DLGAP1: variants seen among roughly 807,000 people sequenced by gnomAD.
The protein encoded by DLGAP1 is disks large-associated protein 1.
DLGAP1 carries 11 observed loss-of-function variants against 90.8 expected under a neutral mutation model. The observed-to-expected ratio is 0.12, with a 90% confidence interval of 0.08 to 0.20. DLGAP1 has a LOEUF of 0.20. Ranked by LOEUF, DLGAP1 falls within the 10% of genes least tolerant of loss-of-function variation. DLGAP1 has a pLI of 1.00. For synonymous variants in DLGAP1, 558 were observed against 540.7 expected, an observed-to-expected ratio of 1.03 and a Z score of -0.44; for missense variants, 1,050 against 1,333.8, an observed-to-expected ratio of 0.79 and a Z score of 3.31.
chr18:4,103,374 A>C (rs1337957771), intron 2 of DLGAP1, among the ~76,000 whole-genome samples: 1 of 151,828 alleles, frequency 6.6e-6, no homozygotes, highest in Admixed American at 6.6e-5. Flanking sequence ...TAGGTTTTAT[A>C]TTTTTCTTTG....
chr18:3,841,960 G>A (rs763450454), intron 4 of DLGAP1, among the ~76,000 whole-genome samples: 2 of 152,136 alleles, frequency 1.3e-5, no homozygotes, highest in Non-Finnish European at 2.9e-5. Flanking sequence ...GAAGAAGCAT[G>A]ATAAGGAAAT....
In DLGAP1 at chr18:3,742,325, C is replaced by T. The variant is rs374587159; in HGVS notation, c.1350+10G>A. ...TGGCTCCTGACCACCGCTGCCCTGA[C>T]GGCCCTCACCTGGCTGATGGTGCTC... On this transcript the variant is annotated intron_variant, in intron 6 of 12. Transcript: ENST00000315677. 46 of 1,610,954 alleles carry T rather than the reference C, an allele frequency of 2.9e-5. No individual in the cohort carries two copies. Among genetic ancestry groups the T allele is most frequent in the East Asian group, 1.6e-4 (7 of 44,802 alleles).
intron 3 of DLGAP1, among the ~76,000 whole-genome samples, chr18:3,964,204 A>C (rs183013293): frequency 6.6e-6 from 1 of 152,316 alleles, no homozygotes; most frequent in East Asian, 1.9e-4. Context: ...AAAAAGGGGC[A>C]GTGCAGACAG....
chr18:3,503,913 T>C (rs2050076042), intron 11 of DLGAP1, among the ~76,000 whole-genome samples: 1 of 152,148 alleles, frequency 6.6e-6, no homozygotes, highest in South Asian at 2.1e-4. Flanking sequence ...CTGGCCAACA[T>C]GGCAAAACCC....
chr18:4,099,266 GTCTGTCTATCTA>G (rs1568395804), intron 2 of DLGAP1, among the ~76,000 whole-genome samples: 1 of 146,674 alleles, frequency 6.8e-6, no homozygotes, highest in African/African-American at 2.6e-5. Flanking sequence ...CTGTCTGTCT[GTCTGTCTATCTA>G]TCTATCTATC....
chr18:3,939,948 T>C (rs1307331556), intron 3 of DLGAP1, among the ~76,000 whole-genome samples: 1 of 152,238 alleles, frequency 6.6e-6, no homozygotes, highest in Non-Finnish European at 1.5e-5. Flanking sequence ...CAACAATCAC[T>C]GCCTCCTACT....
At chr18:4,126,511 G>A (rs1243827639) in intron 2 of DLGAP1, among the ~76,000 whole-genome samples, 1 of 152,060 alleles carries the variant, frequency 6.6e-6, no homozygotes, top group African/African-American at 2.4e-5. Flanking sequence ...TGTATAAATG[G>A]AGTATGCATA....
intron 10 of DLGAP1, among the ~76,000 whole-genome samples, chr18:3,518,780 T>C (rs1422885948): frequency 6.6e-6 from 1 of 152,204 alleles, no homozygotes; most frequent in Non-Finnish European, 1.5e-5. Flanking sequence ...GAATTCTAAC[T>C]CCTATAACTG....
chr18:3,570,776 A>G (rs1235079775), intron 8 of DLGAP1, among the ~76,000 whole-genome samples: 1 of 151,552 alleles, frequency 6.6e-6, no homozygotes, highest in Non-Finnish European at 1.5e-5. Context: ...AAAAAATAAG[A>G]AAAAAAATAG....
At chr18:3,536,223 CTT>C (rs71159088) in intron 9 of DLGAP1, among the ~76,000 whole-genome samples, 8 of 137,420 alleles carry the variant, frequency 5.8e-5, no homozygotes, top group Admixed American at 1.5e-4. Flanking sequence ...TACTTTCTTT[CTT>C]TTTTTTTTTT....
At chr18:4,254,801 T>C (rs990684155) in intron 1 of DLGAP1, among the ~76,000 whole-genome samples, 1 of 152,230 alleles carries the variant, frequency 6.6e-6, no homozygotes, top group African/African-American at 2.4e-5. Context: ...TTCCCTTTGA[T>C]TCTTTGACAG....
chr18:4,351,894 T>A (rs1430689303), intron 1 of DLGAP1, among the ~76,000 whole-genome samples: 1 of 152,222 alleles, frequency 6.6e-6, no homozygotes, highest in African/African-American at 2.4e-5. Context: ...CACTCAAATG[T>A]GTTTTTTTCT....
intron 5 of DLGAP1, chr18:3,769,962 T>C (rs1368891201): frequency 6.6e-6 from 1 of 152,054 alleles, no homozygotes. Flanking sequence ...AAATTTTAAT[T>C]AAAAAAATCC....
intron 9 of DLGAP1, among the ~76,000 whole-genome samples, chr18:3,563,772 C>G (rs1221329639): frequency 1.3e-5 from 2 of 152,114 alleles, no homozygotes; most frequent in Admixed American, 6.6e-5. Flanking sequence ...CCCAGCTGAT[C>G]TGGCTTTTTA....
intron 2 of DLGAP1, among the ~76,000 whole-genome samples, chr18:4,045,855 C>T (rs894784995): frequency 4.8e-5 from 7 of 145,206 alleles, no homozygotes; most frequent in South Asian, 4.3e-4. Context: ...GTGGTATGAT[C>T]GTAGCTCACT....
At chr18:4,186,894 C>A (rs1283761016) in intron 1 of DLGAP1, among the ~76,000 whole-genome samples, 1 of 152,112 alleles carries the variant, frequency 6.6e-6, no homozygotes, top group Non-Finnish European at 1.5e-5. Context: ...TTCCTATCCA[C>A]AAGCATGGGA....
intron 1 of DLGAP1, among the ~76,000 whole-genome samples, chr18:4,225,264 G>A (rs150452430): frequency 1.4e-3 from 216 of 152,156 alleles, no homozygotes; most frequent in African/African-American, 5.0e-3. Flanking sequence ...TATGGTTGCA[G>A]TGACCTAAAA....
rs1179310987 is a variant in DLGAP1, at chr18:3,775,285, C to T, written c.1173-32773G>A. 6.6e-6 allele frequency among the ~76,000 whole-genome samples: 1 copy of T among 152,198 alleles called. No individual in the cohort carries two copies. The highest frequency in any genetic ancestry group is 1.5e-5 in the Non-Finnish European group (1 of 68,038). On this transcript the variant is annotated intron_variant, in intron 5 of 12. Coordinates refer to ENST00000315677, the MANE Select transcript of DLGAP1 (RefSeq NM_004746.4). This position sits in a 1 kb window ranked among gnomAD's most constrained non-coding sequence, Gnocchi z 4.9. ...TCGATATGGTTTGGCTTTGTGTCCC[C>T]ACACAAATCTCATGTCAAATTGTCA... is the stretch of plus-strand genomic sequence containing the variant.
rs1425106708 is a variant in DLGAP1 at position 3,502,576 on chromosome 18, T to C, written c.2641A>G (p.Ile881Val). 3 of 1,614,156 alleles carry C rather than the reference T, an allele frequency of 1.9e-6. No individual in the cohort carries two copies. Among genetic ancestry groups the C allele is most frequent in the Non-Finnish European group, 8.5e-7 (1 of 1,180,014 alleles). Residue 881 changes from isoleucine (I) to valine (V), a missense_variant, in exon 12 of 13, where the codon ATA becomes GTA. Around this residue, in one of 2 missense-constraint regions of DLGAP1, gnomAD observed 565 missense variants for 879.7 expected, o/e 0.64. Transcript: ENST00000315677. ...TCAAATTTCATACTAATATTTTCTA[T>C]GGACAACTGCAGCATGTCCCAAAAC... ...AGFWDMLQLS[I>V]ENISMKFDEL...
Sources: allele counts gnomAD v4.1 joint callset (sites outside exome capture counted in the v4.1 genomes callset), GRCh38; gene constraint gnomAD v4.1.1; regional missense constraint gnomAD v4.1.1; non-coding constraint Gnocchi (gnomAD v3.1); transcripts MANE v1.5; gene names NCBI Gene and HGNC (gene_info 2026-07-23, HGNC 2026-07-21).